PRMT3: variants seen among roughly 807,000 people sequenced by gnomAD.
The protein encoded by PRMT3 is protein arginine methyltransferase 3, also known as protein arginine N-methyltransferase 3.
Under a neutral mutation model 71.9 loss-of-function variants are expected in PRMT3, and 62 were observed. That is an observed-to-expected ratio of 0.86 (90% CI 0.70 to 1.07). The LOEUF is 1.07. Ranked by LOEUF, PRMT3 falls within the 50% of genes least tolerant of loss-of-function variation. The probability of loss-of-function intolerance (pLI) is 0.00; values close to 1 mark genes in which losing one functional copy is unlikely to be tolerated. For synonymous variants in PRMT3, 213 were observed against 220.4 expected (o/e 0.97, Z 0.30); for missense variants, 663 against 643.0 (o/e 1.03, Z -0.34).
At chr11:20,501,584 T>C (rs1356728928) in intron 15 of PRMT3, among the ~76,000 whole-genome samples, 3 of 152,150 alleles carry the variant, frequency 2.0e-5, no homozygotes, top group Non-Finnish European at 4.4e-5. Context: ...GATTTTTAGA[T>C]AAAAATAAAT....
intron 15 of PRMT3, among the ~76,000 whole-genome samples, chr11:20,505,486 T>A (rs1160471339): frequency 1.3e-5 from 2 of 152,224 alleles, no homozygotes; most frequent in African/African-American, 2.4e-5. Context: ...ATCAAGTTTG[T>A]TGATTCAGTG....
chr11:20,399,434 T>C (rs1361241195), intron 7 of PRMT3, among the ~76,000 whole-genome samples: 2 of 152,194 alleles, frequency 1.3e-5, no homozygotes, highest in African/African-American at 4.8e-5. Flanking sequence ...TTATAAATAA[T>C]AGATATGTTA....
intron 9 of PRMT3, among the ~76,000 whole-genome samples, chr11:20,415,365 A>G (rs139707698): frequency 0.011 from 1,722 of 152,168 alleles, 34 homozygotes; most frequent in African/African-American, 0.038. Flanking sequence ...TGTGGGGTAC[A>G]TTCCATGACC....
chr11:20,452,511 C>T (rs1327306992), intron 11 of PRMT3, among the ~76,000 whole-genome samples: 2 of 152,072 alleles, frequency 1.3e-5, no homozygotes, highest in South Asian at 2.1e-4. Context: ...ATCTAACAAA[C>T]TCCTTTTTAT....
At chr11:20,402,392 TA>T (rs1457679717) in intron 7 of PRMT3, among the ~76,000 whole-genome samples, 3 of 152,186 alleles carry the variant, frequency 2.0e-5, no homozygotes, top group Non-Finnish European at 4.4e-5. Context: ...GTGCTGGGAT[TA>T]CAGGTGTGAG....
chr11:20,426,423 T>G (rs376015116), intron 9 of PRMT3, among the ~76,000 whole-genome samples: 1 of 152,202 alleles, frequency 6.6e-6, no homozygotes, highest in South Asian at 2.1e-4. Flanking sequence ...ACACTTCCCT[T>G]TAAACCATAC....
chr11:20,441,787 G>GGTGTTTTTTTTTTTTTTTTTTTTTTTTTT, intron 10 of PRMT3, among the ~76,000 whole-genome samples: 1 of 127,976 alleles, frequency 7.8e-6, no homozygotes, highest in African/African-American at 3.0e-5. Flanking sequence ...AATAGTTTCA[G>GGTGTTTTTTTTTTTTTTTTTTTTTTTTTT]GTTTTTTTTT....
chr11:20,431,248 T>C (rs999131539), intron 10 of PRMT3, among the ~76,000 whole-genome samples: 21 of 152,288 alleles, frequency 1.4e-4, no homozygotes, highest in Middle Eastern at 3.4e-3. Context: ...ATATAGTATA[T>C]GACAGGGTTA....
intron 7 of PRMT3, among the ~76,000 whole-genome samples, chr11:20,402,244 C>G (rs1360125127): frequency 6.6e-6 from 1 of 152,012 alleles, no homozygotes; most frequent in African/African-American, 2.4e-5. Flanking sequence ...CTCAGCCTCC[C>G]CAGTAGCTAG....
At chr11:20,423,650 C>T (rs1053079287) in intron 9 of PRMT3, among the ~76,000 whole-genome samples, 12 of 151,908 alleles carry the variant, frequency 7.9e-5, no homozygotes, top group African/African-American at 2.9e-4. Flanking sequence ...AATTGTTATT[C>T]CATTGAAGAT....
At chr11:20,495,766 G>T (rs890202702) in intron 15 of PRMT3, among the ~76,000 whole-genome samples, 3 of 152,064 alleles carry the variant, frequency 2.0e-5, no homozygotes, top group African/African-American at 7.3e-5. Context: ...AAGTCTTCTT[G>T]TACCACCTTC....
chr11:20,393,057 A>G (rs927619473), intron 5 of PRMT3, 58 bp downstream of exon 5: 1 of 1,050,632 alleles, frequency 9.5e-7, no homozygotes, highest in Non-Finnish European at 1.5e-6. Context: ...GTTAACGGCA[A>G]AATGGAGGTA....
intron 13 of PRMT3, among the ~76,000 whole-genome samples, chr11:20,492,079 G>C (rs1851220822): frequency 6.6e-6 from 1 of 152,206 alleles, no homozygotes; most frequent in Non-Finnish European, 1.5e-5. Flanking sequence ...ATAGAAGTGA[G>C]TTATACATAT....
At chr11:20,397,438 C>G in intron 6 of PRMT3, 139 bp from the exon 7 acceptor site, 1 of 788,814 alleles carries the variant, frequency 1.3e-6, no homozygotes, top group Non-Finnish European at 2.0e-6. Context: ...GGGGAGCTTT[C>G]AGTTGTTCAA....
intron 12 of PRMT3, among the ~76,000 whole-genome samples, chr11:20,463,434 TGAGCAGAAA>T (rs777700353): frequency 7.2e-5 from 11 of 152,128 alleles, no homozygotes; most frequent in South Asian, 2.1e-4. Flanking sequence ...GCCTTAAAGT[TGAGCAGAAA>T]GAGGAGAGTT....
intron 13 of PRMT3, among the ~76,000 whole-genome samples, chr11:20,469,370 A>C (rs766361100): frequency 2.0e-4 from 31 of 152,184 alleles, no homozygotes; most frequent in Non-Finnish European, 4.3e-4. Flanking sequence ...TTATATTTTC[A>C]TCTGTGTGTC....
intron 10 of PRMT3, among the ~76,000 whole-genome samples, chr11:20,443,125 A>T (rs1210602815): frequency 6.6e-6 from 1 of 152,154 alleles, no homozygotes; most frequent in African/African-American, 2.4e-5. Context: ...CTTACCAAAG[A>T]GTGTGTTGAA....
intron 10 of PRMT3, among the ~76,000 whole-genome samples, chr11:20,436,531 CTT>C (rs1460831609): frequency 6.6e-6 from 1 of 152,092 alleles, no homozygotes; most frequent in Non-Finnish European, 1.5e-5. Flanking sequence ...TTCTCTGTGT[CTT>C]TTGAGATGAT....
At chr11:20,471,077 T>TC (rs1157868784) in intron 13 of PRMT3, among the ~76,000 whole-genome samples, 1 of 152,184 alleles carries the variant, frequency 6.6e-6, no homozygotes, top group East Asian at 1.9e-4. Context: ...TGGTTTTTTT[T>TC]CTTGTAAATT....
Sources: allele counts gnomAD v4.1 joint callset (sites outside exome capture counted in the v4.1 genomes callset), GRCh38; gene constraint gnomAD v4.1.1; transcripts MANE v1.5; gene names NCBI Gene and HGNC (gene_info 2026-07-23, HGNC 2026-07-21).